PARP4: variants seen among roughly 807,000 people sequenced by gnomAD.
PARP4 encodes the protein poly(ADP-ribose) polymerase family member 4.
A neutral mutation model predicts 187.7 loss-of-function variants in PARP4; 120 were observed. That is an observed-to-expected ratio of 0.64 (90% confidence interval 0.55 to 0.74). The LOEUF (loss-of-function observed/expected upper bound fraction) is 0.74, where lower values mean the gene tolerates loss of function less well. Ranked by LOEUF, PARP4 falls within the 30% of genes least tolerant of loss-of-function variation. The pLI is 0.00. For synonymous variants in PARP4, 654 were observed against 740.9 expected (o/e 0.88, Z 1.90); for missense variants, 1,836 against 2,070.5 (o/e 0.89, Z 2.20).
At chr13:24,441,203 T>A (rs1013904996) in intron 30 of PARP4, among the ~76,000 whole-genome samples, 3 of 152,210 alleles carry the variant, frequency 2.0e-5, no homozygotes, top group Admixed American at 6.5e-5. Context: ...GAGGTCTCGC[T>A]TTGTTGCCCA....
Position 24,435,440 on chromosome 13 carries a change from CG to C in PARP4, c.3700del (p.Arg1234ValfsTer33), listed in dbSNP as rs777650999. On this transcript the variant is annotated frameshift_variant, in exon 31 of 34. Coordinates refer to ENST00000381989, the MANE Select transcript of PARP4 (RefSeq NM_006437.4). LOFTEE classifies it high-confidence loss of function. ...LLASSEWPELRLSKRKHRKIP... is the reference protein window; with the variant it reads ...LLASSEWPELXLSKRKHRKIP... ...TTTCCTATGTTTTCGTTTGGATAAA[CG>C]TAATTCTGGCCACTCAGAGGATGCT... The C allele has an allele frequency of 6.3e-5, 102 of 1,607,226 alleles. No homozygotes were observed. The highest frequency in any genetic ancestry group is 8.2e-5 in the Non-Finnish European group (97 of 1,178,406).
At position 24,434,945 on chromosome 13, in the gene PARP4, A is replaced by G. The variant is rs757633371; in HGVS notation, c.4196T>C (p.Ile1399Thr). 2 of 1,613,992 alleles carry G rather than the reference A, an allele frequency of 1.2e-6. No individual in the cohort carries two copies. The highest frequency in any genetic ancestry group is 2.2e-5 in the South Asian group (2 of 91,074). Residue 1399 changes from isoleucine (I) to threonine (T), a missense_variant, in exon 31 of 34, where the codon ATT becomes ACT. Coordinates refer to ENST00000381989, the MANE Select transcript of PARP4 (RefSeq NM_006437.4). ...QNPPSSPYCG[I>T]VFSGSSLSSA... ...GCTTAATGAGCTCCCTGAAAAAACA[A>G]TGCCACAATAGGGTGAAGAAGGTGG...
intron 22 of PARP4, among the ~76,000 whole-genome samples, chr13:24,454,160 C>T (rs1871691689): frequency 6.6e-6 from 1 of 151,996 alleles, no homozygotes; most frequent in South Asian, 2.1e-4. Flanking sequence ...AGCATTCAAA[C>T]CGTGGTGCTT....
intron 9 of PARP4, among the ~76,000 whole-genome samples, chr13:24,491,247 A>G (rs987139318): frequency 1.3e-5 from 2 of 151,924 alleles, no homozygotes; most frequent in Admixed American, 1.3e-4. Context: ...CAGCCTCCTA[A>G]GTAACTGGGA....
intron 12 of PARP4, among the ~76,000 whole-genome samples, chr13:24,478,648 G>A (rs1218172973): frequency 1.3e-5 from 2 of 151,832 alleles, no homozygotes; most frequent in African/African-American, 2.4e-5. Context: ...TTCCCAGGCT[G>A]GTCTCGAACT....
chr13:24,473,863 C>A (rs111647492), intron 15 of PARP4, among the ~76,000 whole-genome samples: 6 of 152,258 alleles, frequency 3.9e-5, no homozygotes, highest in African/African-American at 1.4e-4. Flanking sequence ...GTCTCCACAG[C>A]CGCTCCCTCC....
At chr13:24,435,640 C>T (rs1046054836) in intron 30 of PARP4, among the ~76,000 whole-genome samples, 166 bp from the exon 31 acceptor site, 40 of 152,178 alleles carry the variant, frequency 2.6e-4, no homozygotes, top group African/African-American at 9.2e-4. Flanking sequence ...ACCAGTGCTG[C>T]GTGCAGCAGC....
rs1287088341 is a variant in PARP4 at position 24,434,426 on chromosome 13, G to A, written c.4715C>T (p.Pro1572Leu). ...VCIQHWQDAVPWTELLSLQTE... is the reference protein window; with the variant it reads ...VCIQHWQDAVLWTELLSLQTE... ...CTGTAGACTGAGGAGTTCTGTCCAA[G>A]GCACAGCATCCTGCCAGTGTTGTAT... Residue 1572 changes from proline to leucine, a missense_variant, in exon 31 of 34, where the codon CCT (proline) becomes CTT (leucine). This residue lies in a region of PARP4 where 450 missense variants were observed against 439.2 expected (regional missense o/e 1.02). Transcript: ENST00000381989. The A allele has an allele frequency of 2.5e-6, 4 of 1,583,764 alleles. No individual in the cohort carries two copies. The highest frequency in any genetic ancestry group is 3.4e-6 in the Non-Finnish European group (4 of 1,162,254).
Position 24,452,407 on chromosome 13 carries a change from C to A in PARP4, c.3013G>T (p.Gly1005Cys). 1 of 1,610,398 alleles carries A rather than the reference C, an allele frequency of 6.2e-7. No homozygotes were observed. Among genetic ancestry groups the A allele is most frequent in the Non-Finnish European group, 8.5e-7 (1 of 1,178,468 alleles). ...PHTRLFACGI[G>C]STANRHVLRI... ...TGTGACCAGCTCTCTGAGACTCACC[C>A]GATACCGCAGGCGAATAACCTGGTG... The change falls in exon 24 of 34, where the codon GGT (glycine) becomes TGT (cysteine). Residue 1005 changes from glycine (G) to cysteine (C), a missense_variant and splice_region_variant. Gly to Cys is a radical substitution (Grantham distance 159, BLOSUM62 -3). Transcript: ENST00000381989.
chr13:24,495,467 T>C (rs9578747), intron 6 of PARP4, among the ~76,000 whole-genome samples: 14,935 of 152,242 alleles, frequency 0.098, 810 homozygotes, highest in Non-Finnish European at 0.12. Flanking sequence ...TCACAGCCAG[T>C]AGACAGGCAG....
chr13:24,475,426 T>C (rs1872934843), intron 15 of PARP4, 46 bp downstream of exon 15: 2 of 1,540,916 alleles, frequency 1.3e-6, no homozygotes, highest in Admixed American at 3.4e-5. Flanking sequence ...TCATGTATGG[T>C]TTACATCCAT....
At position 24,435,220 on chromosome 13, in the gene PARP4, T is replaced by C. The variant is rs376865690; in HGVS notation, c.3921A>G (p.Pro1307=). ...ATEPLFKKVS[P]WETSTSSFFP... ...AAAAGCTAGAAGTAGATGTTTCCCA[T>C]GGACTGACTTTCTTAAATAGTGGTT... Residue 1307 remains proline, a synonymous_variant, in exon 31 of 34, where the codon CCA becomes CCG. Transcript: ENST00000381989. 3.1e-6 allele frequency: 5 copies of C among 1,614,046 alleles called. No homozygotes were observed. In the African/African-American group the frequency reaches 4.0e-5, roughly 13 times the overall value.
chr13:24,459,911 C>A, intron 18 of PARP4, 61 bp downstream of exon 18: 2 of 1,436,878 alleles, frequency 1.4e-6, no homozygotes, highest in Non-Finnish European at 9.6e-7. Context: ...TCCTCCACAG[C>A]CCTCCACCAC....
chr13:24,432,247 A>G (rs1034908559), intron 31 of PARP4, among the ~76,000 whole-genome samples: 1 of 152,198 alleles, frequency 6.6e-6, no homozygotes, highest in African/African-American at 2.4e-5. Context: ...CTATTTTGAC[A>G]TATACAATGT....
chr13:24,485,498 G>A (rs1873503817), intron 11 of PARP4, among the ~76,000 whole-genome samples: 1 of 151,818 alleles, frequency 6.6e-6, no homozygotes, highest in African/African-American at 2.4e-5. Flanking sequence ...ATGGTTTTTT[G>A]GTTTTTTCTT....
At chr13:24,446,636 A>G (rs1166526623) in intron 27 of PARP4, 45 bp downstream of exon 27, 1 of 1,297,474 alleles carries the variant, frequency 7.7e-7, no homozygotes, top group Admixed American at 1.7e-5. Context: ...ATATAAAATC[A>G]TAACTTTCAA....
chr13:24,488,004 A>G (rs1243116297), intron 10 of PARP4, among the ~76,000 whole-genome samples: 1 of 152,248 alleles, frequency 6.6e-6, no homozygotes, highest in Non-Finnish European at 1.5e-5. Context: ...AGAAAAAAGT[A>G]ATATAAAGAA....
At position 24,499,496 on chromosome 13, in the gene PARP4, C is replaced by T. The variant is rs552044352; in HGVS notation, c.402-120G>A. 51 of 745,428 alleles carry T rather than the reference C, an allele frequency of 6.8e-5. No homozygotes were observed. The East Asian group carries it at 1.4e-3, about 21-fold the overall frequency. 46.2% of individuals were successfully genotyped at this position (745,428 alleles called of 1,614,324 possible). On this transcript the variant is annotated intron_variant, in intron 4 of 33. Transcript: ENST00000381989. Reference sequence around the variant, plus strand: ...TACATGATAGATTCCTTACAAAACACATGGTAAGTCCACATGGTAAGTCCC... The same window carrying T: ...TACATGATAGATTCCTTACAAAACATATGGTAAGTCCACATGGTAAGTCCC...
chr13:24,472,435 C>T (rs9581065), intron 15 of PARP4, among the ~76,000 whole-genome samples: 3,150 of 152,200 alleles, frequency 0.021, 126 homozygotes, highest in African/African-American at 0.07. Context: ...TCTCACCCAA[C>T]GCCCCGTCTC....
Sources: allele counts gnomAD v4.1 joint callset (sites outside exome capture counted in the v4.1 genomes callset), GRCh38; gene constraint gnomAD v4.1.1; regional missense constraint gnomAD v4.1.1; transcripts MANE v1.5; gene names NCBI Gene and HGNC (gene_info 2026-07-23, HGNC 2026-07-21).